PLEKHB1: variants seen among roughly 807,000 people sequenced by gnomAD.
The protein encoded by PLEKHB1 is pleckstrin homology domain containing B1, also known as pleckstrin homology domain-containing family B member 1.
PLEKHB1 carries 29 observed loss-of-function variants against 36.2 expected under a neutral mutation model. The ratio of observed to expected loss-of-function variants is 0.80; its 90% CI spans 0.60 to 1.09. The LOEUF (loss-of-function observed/expected upper bound fraction) is 1.09, where lower values mean the gene tolerates loss of function less well. Among genes scored for constraint, PLEKHB1 ranks in the 50% least tolerant of loss-of-function variants. PLEKHB1 has a pLI of 0.00. For missense variants in PLEKHB1, 330 were observed against 348.2 expected (o/e 0.95, Z 0.42); for synonymous variants, 138 against 140.0 (o/e 0.99, Z 0.10).
chr11:73,657,126 G>C (rs996844523), intron 6 of PLEKHB1, among the ~76,000 whole-genome samples: 5 of 152,092 alleles, frequency 3.3e-5, no homozygotes, highest in Non-Finnish European at 7.4e-5. Flanking sequence ...CTGGGCAACA[G>C]AGTAAGACTC....
intron 6 of PLEKHB1, among the ~76,000 whole-genome samples, chr11:73,659,238 A>AAG: frequency 6.6e-6 from 1 of 151,754 alleles, no homozygotes; most frequent in East Asian, 1.9e-4. Flanking sequence ...AAAAAAAAAA[A>AAG]AAGATTTATG....
rs1375299191 is a variant in PLEKHB1, at chr11:73,653,125, G to C, written c.390+111G>C. On this transcript the variant is annotated intron_variant, in intron 5 of 7. Transcript: ENST00000354190. ...AGAAGTTCTCAGTCTTATGTGGATA[G>C]GTTTCTGCAAACTCTGATGCCTGAG... is the stretch of plus-strand genomic sequence containing the variant. The C allele has an allele frequency of 3.5e-6, 4 of 1,154,728 alleles. No individual in the cohort carries two copies. The East Asian group carries it at 1.0e-4, about 30-fold the overall frequency. The allele number at this position is 1,154,728 out of a possible 1,614,324, so 71.5% of individuals were successfully genotyped here. A position where few individuals can be genotyped will look rare whatever the true frequency, so the allele number is the denominator to read the frequency against.
At chr11:73,656,130 G>T (rs759884579) in intron 6 of PLEKHB1, among the ~76,000 whole-genome samples, 7 of 152,150 alleles carry the variant, frequency 4.6e-5, no homozygotes, top group Non-Finnish European at 1.0e-4. Context: ...CAAGACCTCA[G>T]TTTCCTCATT....
rs774255736 is a variant in PLEKHB1, at chr11:73,649,096, TC to T, written c.94+11del. On this transcript the variant is annotated intron_variant, in intron 2 of 7. Coordinates refer to ENST00000354190, the MANE Select transcript of PLEKHB1 (RefSeq NM_021200.3). Reference sequence around the variant, plus strand: ...CTGGCTGTGGAGACAGAGTGAGTGATCCTGGGCCCCTGGTCCTGGGGCAGGG... The same window carrying T: ...CTGGCTGTGGAGACAGAGTGAGTGATCTGGGCCCCTGGTCCTGGGGCAGGG... The T allele has an allele frequency of 6.3e-7, 1 of 1,590,338 alleles. No homozygotes were observed. Among genetic ancestry groups the T allele is most frequent in the African/African-American group, 1.3e-5 (1 of 74,624 alleles).
intron 2 of PLEKHB1, among the ~76,000 whole-genome samples, chr11:73,649,786 A>G (rs1944850999): frequency 6.6e-6 from 1 of 152,144 alleles, no homozygotes; most frequent in African/African-American, 2.4e-5. Flanking sequence ...TTCTCAGTTC[A>G]TTTAGTTCAG....
In PLEKHB1 at chr11:73,650,631, C is replaced by A; in HGVS notation, c.173C>A (p.Thr58Lys). 1 of 1,613,030 alleles carries A rather than the reference C, an allele frequency of 6.2e-7. No individual in the cohort carries two copies. Residue 58 changes from threonine (T) to lysine (K), a missense_variant, in exon 3 of 8, where the codon ACA becomes AAA. Coordinates refer to ENST00000354190, the MANE Select transcript of PLEKHB1 (RefSeq NM_021200.3). ...DGTLGYYHDETAQDEEDRVLI... is the reference protein window; with the variant it reads ...DGTLGYYHDEKAQDEEDRVLI... ...ACCCTGGGATACTACCACGATGAGA[C>A]AGCGCAGGACGAGGAGGACCGTGTG...
chr11:73,651,485 A>C (rs1371176270), intron 3 of PLEKHB1: 2 of 575,268 alleles, frequency 3.5e-6, no homozygotes, highest in Non-Finnish European at 6.6e-6. Context: ...AAATGAAATT[A>C]GGAGGCCCAG....
At chr11:73,646,975 C>T (rs1417698752) in intron 1 of PLEKHB1, among the ~76,000 whole-genome samples, 1 of 152,186 alleles carries the variant, frequency 6.6e-6, no homozygotes, top group African/African-American at 2.4e-5. Flanking sequence ...TCCAAGCTCT[C>T]CGCCTGTCAT....
At chr11:73,655,940 A>C (rs1442187790) in intron 6 of PLEKHB1, 33 bp downstream of exon 6, 1 of 1,582,690 alleles carries the variant, frequency 6.3e-7, no homozygotes, top group Non-Finnish European at 8.7e-7. Context: ...CTGCCTCCAT[A>C]CTGGCCACCA....
intron 3 of PLEKHB1, 87 bp downstream of exon 3, chr11:73,650,792 T>C (rs1735882706): frequency 1.4e-6 from 2 of 1,422,852 alleles, no homozygotes; most frequent in South Asian, 1.5e-5. Flanking sequence ...TGGAAGTCTT[T>C]TTGCAGCTTT....
chr11:73,651,789 T>C lies in PLEKHB1; in HGVS notation c.249T>C (p.Asp83=), dbSNP rs770208034. The part of the protein sequence containing the change: ...RDIKIGPECH[D]VQPPEGRSRD... ...CCATATATGTGTGTCTGCTTCCAGA[T>C]GTGCAGCCCCCAGAGGGCCGGAGCC... The change falls in exon 4 of 8, where the codon GAT becomes GAC. Residue 83 remains aspartate, a splice_region_variant and synonymous_variant. Transcript: ENST00000354190. 4.3e-6 allele frequency: 7 copies of C among 1,613,198 alleles called. No individual in the cohort carries two copies. The East Asian group carries it at 8.9e-5, about 21-fold the overall frequency.
At chr11:73,654,250 G>A (rs1001125254) in intron 5 of PLEKHB1, among the ~76,000 whole-genome samples, 3 of 152,248 alleles carry the variant, frequency 2.0e-5, no homozygotes, top group East Asian at 3.9e-4. Context: ...TTGAAGAGCC[G>A]CCCAAAGCCC....
intron 5 of PLEKHB1, 97 bp downstream of exon 5, chr11:73,653,111 G>C: frequency 7.8e-7 from 1 of 1,278,886 alleles, no homozygotes; most frequent in Non-Finnish European, 1.1e-6. Flanking sequence ...GAAGTTCTCA[G>C]TCTTATGTGG....
chr11:73,651,723 C>G, intron 3 of PLEKHB1, 65 bp from the exon 4 acceptor site: 4 of 1,346,182 alleles, frequency 3.0e-6, no homozygotes, highest in Non-Finnish European at 4.2e-6. Flanking sequence ...ATTCCTGTCC[C>G]TGCTTTACTG....
In PLEKHB1 at chr11:73,661,084, G is replaced by T. The variant is rs1028314125; in HGVS notation, c.595+232G>T. 5.9e-5 allele frequency among the ~76,000 whole-genome samples: 9 copies of T among 152,208 alleles called. No individual in the cohort carries two copies. Among genetic ancestry groups the T allele is most frequent in the Admixed American group, 5.2e-4 (8 of 15,276 alleles). On this transcript the variant is annotated intron_variant, in intron 7 of 7. Transcript: ENST00000354190. The surrounding 1 kb of genome is among the most constrained non-coding windows in gnomAD (Gnocchi z 4.6). ...GGGATGGCTCCTCAGCCCTGCGGTCGGCAATACCCATTCCTGAGCCGGTAG... is the reference window on the plus strand; with the variant it reads ...GGGATGGCTCCTCAGCCCTGCGGTCTGCAATACCCATTCCTGAGCCGGTAG...
At position 73,661,054 on chromosome 11, in the gene PLEKHB1, C is replaced by T. The variant is rs1310663827; in HGVS notation, c.595+202C>T. The stretch of plus-strand genomic sequence containing the variant: ...GCGTTCGTCTCGAGCTGACCTCACC[C>T]TTCTGGGATGGCTCCTCAGCCCTGC... On this transcript the variant is annotated intron_variant, in intron 7 of 7. Coordinates refer to ENST00000354190, the MANE Select transcript of PLEKHB1 (RefSeq NM_021200.3). This position sits in a 1 kb window ranked among gnomAD's most constrained non-coding sequence, Gnocchi z 4.6. The T allele has an allele frequency of 5.0e-5, 31 of 614,774 alleles. No homozygotes were observed. The South Asian group carries it at 5.5e-4, about 11-fold the overall frequency. 38.1% of individuals were successfully genotyped at this position (614,774 alleles called of 1,614,324 possible). A position where few individuals can be genotyped will look rare whatever the true frequency, so the allele number is the denominator to read the frequency against.
chr11:73,655,331 C>G (rs1040869508), intron 5 of PLEKHB1, among the ~76,000 whole-genome samples: 3 of 152,180 alleles, frequency 2.0e-5, no homozygotes, highest in Non-Finnish European at 4.4e-5. Context: ...CTCTCTGTAG[C>G]CTGTGTGGGA....
chr11:73,651,553 G>A (rs1191801429), intron 3 of PLEKHB1: 12 of 649,482 alleles, frequency 1.8e-5, no homozygotes, highest in South Asian at 1.1e-4. Flanking sequence ...CAAGGCCCAG[G>A]CCACAGTTCT....
rs369979430 is a variant in PLEKHB1, at chr11:73,653,026, G to A, written c.390+12G>A. ...CAAACTCCACCCCGGTGAGTCTCCC[G>A]TTCTCTCCCCCTTTCCCCACCACCT... On this transcript the variant is annotated intron_variant, in intron 5 of 7. Coordinates refer to ENST00000354190, the MANE Select transcript of PLEKHB1 (RefSeq NM_021200.3). 2.0e-5 allele frequency: 32 copies of A among 1,606,564 alleles called. No homozygotes were observed. Among genetic ancestry groups the A allele is most frequent in the East Asian group, 6.7e-5 (3 of 44,608 alleles).
Sources: gnomAD v4.1 joint callset for allele counts (sites outside exome capture counted in the v4.1 genomes callset) on GRCh38, gnomAD v4.1.1 for gene constraint, Gnocchi (gnomAD v3.1) non-coding constraint, MANE v1.5 for transcripts, NCBI Gene and HGNC (gene_info 2026-07-23, HGNC 2026-07-21) for gene names.